NSD1: variants seen among roughly 807,000 people sequenced by gnomAD.
The protein encoded by NSD1 is nuclear receptor binding SET domain protein 1.
A neutral mutation model predicts 242.7 loss-of-function variants in NSD1; 26 were observed. The observed-to-expected ratio is 0.11, with a 90% confidence interval of 0.08 to 0.15. NSD1 has a LOEUF of 0.15. NSD1 is among the 10% of genes least tolerant of loss of function. NSD1 has a pLI of 1.00. For missense variants in NSD1, 2,495 were observed against 3,272.8 expected (o/e 0.76, Z 5.80); for synonymous variants, 1,106 against 1,178.1 (o/e 0.94, Z 1.25).
At chr5:177,261,173 G>A (rs1756967180) in intron 14 of NSD1, among the ~76,000 whole-genome samples, 1 of 150,886 alleles carries the variant, frequency 6.6e-6, no homozygotes. Context: ...CGGTTCAAGC[G>A]ATTCTACTGC....
chr5:177,141,252 C>A (rs1338564354), intron 2 of NSD1, among the ~76,000 whole-genome samples: 1 of 151,052 alleles, frequency 6.6e-6, no homozygotes, highest in Admixed American at 6.6e-5. Flanking sequence ...GAACTCCTGA[C>A]CTCGTGATCC....
intron 2 of NSD1, among the ~76,000 whole-genome samples, chr5:177,151,968 C>T (rs1017018992): frequency 1.3e-5 from 2 of 152,066 alleles, no homozygotes; most frequent in Admixed American, 1.3e-4. Context: ...TCACGCCATT[C>T]TCCTGCCTCA....
rs559003958 is a variant in NSD1, at chr5:177,137,861, A to G, written c.927+1831A>G. ...CACTTTGGGAGGCTGAGGTGGACAGATCACCTGAGGTCAGGAGTTTGAGAC... is the reference window on the plus strand; with the variant it reads ...CACTTTGGGAGGCTGAGGTGGACAGGTCACCTGAGGTCAGGAGTTTGAGAC... On this transcript the variant is annotated intron_variant, in intron 2 of 22. Transcript: ENST00000439151. 6.6e-5 allele frequency among the ~76,000 whole-genome samples: 10 copies of G among 152,234 alleles called. No individual in the cohort carries two copies. The East Asian group carries it at 1.9e-3, about 29-fold the overall frequency.
chr5:177,173,550 C>T lies in NSD1; in HGVS notation c.928-18334C>T, dbSNP rs562229911. ...GTGCAATGGCACGATCTCGGCTCAC[C>T]GCAACCTCTGCCTTCTGGGTTCAAG... On this transcript the variant is annotated intron_variant, in intron 2 of 22. Transcript: ENST00000439151. 1.7e-3 allele frequency among the ~76,000 whole-genome samples: 255 copies of T among 149,468 alleles called. 1 individual carries two copies. Among genetic ancestry groups the T allele is most frequent in the Middle Eastern group, 3.5e-3 (1 of 284 alleles).
At chr5:177,262,894 G>C (rs115899590) in intron 14 of NSD1, among the ~76,000 whole-genome samples, 1 of 152,188 alleles carries the variant, frequency 6.6e-6, no homozygotes, top group South Asian at 2.1e-4. Context: ...AGACAAATGC[G>C]TACCTCATTG....
At chr5:177,235,350 A>T (rs1765360929) in intron 5 of NSD1, among the ~76,000 whole-genome samples, 2 of 152,242 alleles carry the variant, frequency 1.3e-5, no homozygotes, top group Admixed American at 1.3e-4. Flanking sequence ...CATCCCCAAG[A>T]TAACTTATTA....
rs953664538 is a variant in NSD1, at chr5:177,296,883, G to A, written c.*1424G>A. The A allele has an allele frequency of 1.7e-5, 4 of 233,150 alleles. No homozygotes were observed. Among genetic ancestry groups the A allele is most frequent in the Admixed American group, 1.1e-4 (2 of 17,774 alleles). 14.4% of individuals were successfully genotyped at this position (233,150 alleles called of 1,614,324 possible). A position where few individuals can be genotyped will look rare whatever the true frequency, so the allele number is the denominator to read the frequency against. On this transcript the variant is annotated 3_prime_UTR_variant, in exon 23 of 23. Transcript: ENST00000439151. ...CCCTCCTTTGTCCTTAGACCAACATGTTTACCTCTCTGCTTTGCCAACTTA... is the reference window on the plus strand; with the variant it reads ...CCCTCCTTTGTCCTTAGACCAACATATTTACCTCTCTGCTTTGCCAACTTA...
At chr5:177,220,650 A>C (rs1764164594) in intron 5 of NSD1, among the ~76,000 whole-genome samples, 1 of 149,172 alleles carries the variant, frequency 6.7e-6, no homozygotes. Context: ...GCTCACTGCA[A>C]ACTCCGCCTC....
intron 2 of NSD1, among the ~76,000 whole-genome samples, chr5:177,156,661 A>G (rs1758162722): frequency 6.6e-6 from 1 of 152,208 alleles, no homozygotes; most frequent in African/African-American, 2.4e-5. Context: ...CATGAAAAAC[A>G]ATCAAGCTAA....
At position 177,265,663 on chromosome 5, in the gene NSD1, G is replaced by A. The variant is rs1472439073; in HGVS notation, c.5147-1899G>A. On this transcript the variant is annotated intron_variant, in intron 14 of 22. Transcript: ENST00000439151. Reference sequence around the variant, plus strand: ...TGAAGTCCCGGTCCCAGTTCTTGGCGTTGGGCCGCATGCCGATGGTGCCGA... The same window carrying A: ...TGAAGTCCCGGTCCCAGTTCTTGGCATTGGGCCGCATGCCGATGGTGCCGA... The A allele has an allele frequency of 3.7e-6, 6 of 1,609,212 alleles. No homozygotes were observed. The African/African-American group carries it at 5.3e-5, about 14-fold the overall frequency.
Position 177,210,324 on chromosome 5 carries a change from CTGA to C in NSD1, c.1931_1933del (p.Asp644del). ...GATTCCATTAGTATCTGTACCACTTCTGATGATGGAAGCAGTGACCTGGATCCC... is the reference window on the plus strand; with the variant it reads ...GATTCCATTAGTATCTGTACCACTTCTGATGGAAGCAGTGACCTGGATCCC... On this transcript the variant is annotated inframe_deletion, in exon 5 of 23. Transcript: ENST00000439151. The C allele has an allele frequency of 1.2e-6, 2 of 1,613,994 alleles. No homozygotes were observed. The highest frequency in any genetic ancestry group is 1.7e-6 in the Non-Finnish European group (2 of 1,179,994).
chr5:177,281,070 A>T lies in NSD1; in HGVS notation c.5892+236A>T, dbSNP rs1758837478. ...TGTAGGAGGTTGGAAAAAATGGGAC[A>T]TTCATAGAGATGCTATGGCTTTGTT... On this transcript the variant is annotated intron_variant, in intron 18 of 22. Coordinates refer to ENST00000439151, the MANE Select transcript of NSD1 (RefSeq NM_022455.5). 2.0e-5 allele frequency among the ~76,000 whole-genome samples: 3 copies of T among 152,336 alleles called. No individual in the cohort carries two copies. In the South Asian group the frequency reaches 6.2e-4, roughly 32 times the overall value.
At chr5:177,240,142 C>T (rs1765739707) in intron 8 of NSD1, among the ~76,000 whole-genome samples, 1 of 152,122 alleles carries the variant, frequency 6.6e-6, no homozygotes, top group Non-Finnish European at 1.5e-5. Context: ...AATTTCTTTT[C>T]TGGGTTCAAA....
intron 11 of NSD1, among the ~76,000 whole-genome samples, chr5:177,251,002 C>T (rs1048077730): frequency 6.6e-6 from 1 of 152,032 alleles, no homozygotes; most frequent in Non-Finnish European, 1.5e-5. Flanking sequence ...CCAGCCTGGC[C>T]AACGTGGTGA....
At chr5:177,277,128 ATTT>A (rs201507053) in intron 17 of NSD1, among the ~76,000 whole-genome samples, 3 of 137,870 alleles carry the variant, frequency 2.2e-5, no homozygotes, top group Admixed American at 7.3e-5. Flanking sequence ...TCTTTACTCC[ATTT>A]TTTTTTTTTT....
chr5:177,210,746 A>G lies in NSD1; in HGVS notation c.2347A>G (p.Lys783Glu), dbSNP rs1763272816. ...ANQALLHSKS[K>E]QPKFRSIKCK... is the part of the protein sequence containing the mutation. ...TCAAGCTCTATTACATTCGAAAAGC[A>G]AACAGCCCAAGTTCCGAAGTATAAA... Residue 783 changes from lysine to glutamate, a missense_variant, in exon 5 of 23, where the codon AAA (lysine) becomes GAA (glutamate). By Grantham distance (56) the Lys-to-Glu change is moderately conservative. Transcript: ENST00000439151. The G allele has an allele frequency of 6.2e-7, 1 of 1,614,114 alleles. No individual in the cohort carries two copies. The highest frequency in any genetic ancestry group is 1.3e-5 in the African/African-American group (1 of 74,946).
At chr5:177,267,478 AATAT>A in intron 14 of NSD1, 80 bp from the exon 15 acceptor site, 1 of 1,126,822 alleles carries the variant, frequency 8.9e-7, no homozygotes, top group Non-Finnish European at 1.3e-6. Context: ...AGAGAAAGAA[AATAT>A]ATATATATAT....
intron 2 of NSD1, among the ~76,000 whole-genome samples, chr5:177,163,559 C>T (rs1007571908): frequency 6.6e-6 from 1 of 152,172 alleles, no homozygotes; most frequent in African/African-American, 2.4e-5. Context: ...GACAAAGAAC[C>T]TCTCAACCTT....
chr5:177,264,617 C>A lies in NSD1; in HGVS notation c.5147-2945C>A, dbSNP rs10037631. 5 of 375,520 alleles carry A rather than the reference C, an allele frequency of 1.3e-5. No homozygotes were observed. In the East Asian group the frequency reaches 2.4e-4, roughly 18 times the overall value. 23.3% of individuals were successfully genotyped at this position (375,520 alleles called of 1,614,324 possible). A position where few individuals can be genotyped will look rare whatever the true frequency, so the allele number is the denominator to read the frequency against. On this transcript the variant is annotated intron_variant, in intron 14 of 22. Transcript: ENST00000439151. ...CAATACAGACAAAAGTGAGCTTTTC[C>A]AGTTGAAGTAGGAGTCTGATCTGAA...
Sources: allele counts gnomAD v4.1 joint callset (sites outside exome capture counted in the v4.1 genomes callset), GRCh38; gene constraint gnomAD v4.1.1; transcripts MANE v1.5; gene names NCBI Gene and HGNC (gene_info 2026-07-23, HGNC 2026-07-21).